Variants in NVL observed in about 807,000 individuals in gnomAD.
The protein encoded by NVL is nuclear VCP like, also known as nuclear valosin-containing protein-like.
Under a neutral mutation model 110.2 loss-of-function variants are expected in NVL, and 84 were observed. That is an observed-to-expected ratio of 0.76 (90% CI 0.64 to 0.91). The LOEUF (loss-of-function observed/expected upper bound fraction) is 0.91. Among genes scored for constraint, NVL ranks in the 40% least tolerant of loss-of-function variants. The pLI, the probability that NVL is intolerant of heterozygous loss-of-function variation, is 0.00. For missense variants in NVL, 882 were observed against 1,035.9 expected (o/e 0.85, Z 2.04); for synonymous variants, 354 against 361.1 (o/e 0.98, Z 0.22).
In NVL at chr1:224,311,810, G is replaced by T; in HGVS notation, c.332C>A (p.Pro111Gln). The change falls in exon 5 of 23, where the codon CCA (proline) becomes CAA (glutamine). Residue 111 changes from proline (P) to glutamine (Q), a missense_variant. Physicochemically the swap from Pro to Gln is moderately conservative, Grantham distance 76. Around this residue, in one of 4 missense-constraint regions of NVL, gnomAD observed 274 missense variants for 268.4 expected, o/e 1.02. Coordinates refer to ENST00000281701, the MANE Select transcript of NVL (RefSeq NM_002533.4). ...AAATGTTTGGCTTACCTGTGGATCT[G>T]GGTAGTCTTCCATACTTGAATCATC... ...SDDDSSMEDY[P>Q]DPQSANHMNS... is the part of the protein sequence containing the mutation. The T allele has an allele frequency of 6.2e-7, 1 of 1,613,120 alleles. No homozygotes were observed. Among genetic ancestry groups the T allele is most frequent in the Non-Finnish European group, 8.5e-7 (1 of 1,179,162 alleles).
chr1:224,271,423 AGGC>A (rs1489641543), intron 17 of NVL, among the ~76,000 whole-genome samples: 6 of 152,108 alleles, frequency 3.9e-5, no homozygotes, highest in Admixed American at 2.6e-4. Flanking sequence ...CAGGAGCTCA[AGGC>A]AGCAGGCAGT....
chr1:224,249,906 T>C (rs1002972586), intron 19 of NVL, among the ~76,000 whole-genome samples: 19 of 152,196 alleles, frequency 1.2e-4, no homozygotes, highest in Admixed American at 1.1e-3. Context: ...GCTAATTTTT[T>C]CTATCTTTTG....
intron 18 of NVL, among the ~76,000 whole-genome samples, chr1:224,257,724 G>C (rs948774349): frequency 6.6e-6 from 1 of 151,974 alleles, no homozygotes; most frequent in Non-Finnish European, 1.5e-5. Flanking sequence ...ATTTTTTGTA[G>C]AGATGAGGTC....
intron 1 of NVL, among the ~76,000 whole-genome samples, chr1:224,329,335 T>A (rs1572094527): frequency 1.7e-5 from 1 of 59,804 alleles, no homozygotes; most frequent in African/African-American, 3.5e-5. Flanking sequence ...ATAAGAAAGG[T>A]GTATGAGGAA....
In NVL at chr1:224,308,195, AT is replaced by A. The variant is rs1329623958; in HGVS notation, c.410del (p.Asn137IlefsTer17). 6.2e-7 allele frequency: 1 copy of A among 1,613,942 alleles called. No homozygotes were observed. Among genetic ancestry groups the A allele is most frequent in the South Asian group, 1.1e-5 (1 of 91,030 alleles). On this transcript the variant is annotated frameshift_variant, in exon 6 of 23. Transcript: ENST00000281701. LOFTEE classifies it high-confidence loss of function. ...YRKGNPDSVSNTPEMEQRETT... is the reference protein window; with the variant it reads ...YRKGNPDSVSXTPEMEQRETT... ...TTTCTCTTTGCTCCATCTCAGGAGT[AT>A]TTGAAACAGAATCAGGATTTCCTTT... is the stretch of plus-strand genomic sequence containing the variant.
At chr1:224,303,928 T>G in intron 8 of NVL, 71 bp from the exon 9 acceptor site, 2 of 1,498,720 alleles carry the variant, frequency 1.3e-6, no homozygotes, top group East Asian at 2.4e-5. Flanking sequence ...GTCCTATTTT[T>G]CGGAGCAGTG....
At chr1:224,250,826 T>C (rs1662390382) in intron 18 of NVL, among the ~76,000 whole-genome samples, 1 of 152,128 alleles carries the variant, frequency 6.6e-6, no homozygotes, top group Non-Finnish European at 1.5e-5. Flanking sequence ...GCTGGTTAAT[T>C]TTTTATTTTT....
Position 224,250,272 on chromosome 1 carries a change from T to C in NVL, c.2229A>G (p.Thr743=). 1 of 1,605,742 alleles carries C rather than the reference T, an allele frequency of 6.2e-7. No individual in the cohort carries two copies. Among genetic ancestry groups the C allele is most frequent in the South Asian group, 1.1e-5 (1 of 89,604 alleles). The change falls in exon 19 of 23, where the codon ACA becomes ACG. Residue 743 remains threonine (T), a synonymous_variant. Transcript: ENST00000281701. ...AILRPGRLDK[T]LFVGLPPPAD... is the part of the protein sequence containing the mutation. ...CAGGGGGCGGTAAACCCACAAACAG[T>C]GTTTTGTCCAGGCGGCCCGGGCGCA...
At chr1:224,324,833 G>T (rs1447310272) in intron 2 of NVL, among the ~76,000 whole-genome samples, 3 of 152,196 alleles carry the variant, frequency 2.0e-5, no homozygotes, top group African/African-American at 7.2e-5. Context: ...ACATGAGAAG[G>T]CCATGAATTT....
In NVL at chr1:224,289,478, A is replaced by G. The variant is rs369988510; in HGVS notation, c.1575+6T>C. The G allele has an allele frequency of 7.6e-5, 123 of 1,613,568 alleles. No homozygotes were observed. Among genetic ancestry groups the G allele is most frequent in the Non-Finnish European group, 9.8e-5 (116 of 1,179,900 alleles). Reference sequence around the variant, plus strand: ...GGACAATTTAAGGTGCCTTTAGAGAAAGCACCTGTGTTTCAGAAGTGGGCT... The same window carrying G: ...GGACAATTTAAGGTGCCTTTAGAGAGAGCACCTGTGTTTCAGAAGTGGGCT... On this transcript the variant is annotated splice_donor_region_variant and intron_variant, in intron 13 of 22. Coordinates refer to ENST00000281701, the MANE Select transcript of NVL (RefSeq NM_002533.4).
intron 18 of NVL, among the ~76,000 whole-genome samples, chr1:224,262,253 G>A (rs965469722): frequency 1.7e-4 from 26 of 151,932 alleles, no homozygotes; most frequent in African/African-American, 6.3e-4. Context: ...AAGAAAAAAA[G>A]CAATGTCTAT....
At chr1:224,297,453 T>C (rs944946875) in intron 10 of NVL, among the ~76,000 whole-genome samples, 1 of 151,272 alleles carries the variant, frequency 6.6e-6, no homozygotes, top group Non-Finnish European at 1.5e-5. Flanking sequence ...AGTAGAATGG[T>C]GGTGATGGCC....
intron 10 of NVL, 122 bp downstream of exon 10, chr1:224,300,440 G>T: frequency 1.7e-6 from 1 of 600,168 alleles, no homozygotes; most frequent in Non-Finnish European, 2.9e-6. Context: ...AAATTACCAT[G>T]TTTATATTAA....
Position 224,231,272 on chromosome 1 carries a change from T to C in NVL, c.2480A>G (p.His827Arg). 1 of 1,612,758 alleles carries C rather than the reference T, an allele frequency of 6.2e-7. No individual in the cohort carries two copies. The highest frequency in any genetic ancestry group is 2.2e-5 in the East Asian group (1 of 44,854). ...TACTTTCTTGAAAGCTTCTTCAAAA[T>C]GCTTATGACTAACCTTGAGTTCACC... ...EKGELKVSHK[H>R]FEEAFKKVRS... The change falls in exon 22 of 23, where the codon CAT becomes CGT. Residue 827 changes from histidine (H) to arginine (R), a missense_variant. By Grantham distance (29) the His-to-Arg change is conservative (BLOSUM62 0). Coordinates refer to ENST00000281701, the MANE Select transcript of NVL (RefSeq NM_002533.4).
At chr1:224,312,117 C>G in intron 4 of NVL, 1 of 336,672 alleles carries the variant, frequency 3.0e-6, no homozygotes. Context: ...ATTAAATAAA[C>G]ACTTGCAAAG....
chr1:224,256,772 C>G (rs963559127), intron 18 of NVL, among the ~76,000 whole-genome samples: 1 of 152,082 alleles, frequency 6.6e-6, no homozygotes, highest in African/African-American at 2.4e-5. Flanking sequence ...TAAACAGGCC[C>G]CTACCATTGT....
intron 17 of NVL, among the ~76,000 whole-genome samples, chr1:224,271,018 T>A (rs1665039997): frequency 6.6e-6 from 1 of 152,166 alleles, no homozygotes; most frequent in South Asian, 2.1e-4. Flanking sequence ...TATAGTCCCA[T>A]CACAGGTGCA....
chr1:224,299,758 T>A (rs1238697182), intron 10 of NVL, among the ~76,000 whole-genome samples: 1 of 152,242 alleles, frequency 6.6e-6, no homozygotes, highest in Non-Finnish European at 1.5e-5. Flanking sequence ...ATCCTCCTAG[T>A]GTTGCCCACA....
chr1:224,309,063 CAAAAAA>C (rs58611576), intron 5 of NVL, among the ~76,000 whole-genome samples: 6 of 103,096 alleles, frequency 5.8e-5, no homozygotes, highest in African/African-American at 7.3e-5. Context: ...TCTGTCTCAA[CAAAAAA>C]AAAAAAAAAA....
Sources: allele counts gnomAD v4.1 joint callset (sites outside exome capture counted in the v4.1 genomes callset), GRCh38; gene constraint gnomAD v4.1.1; regional missense constraint gnomAD v4.1.1; transcripts MANE v1.5; gene names NCBI Gene and HGNC (gene_info 2026-07-23, HGNC 2026-07-21).